GPATCH2: variants seen among roughly 807,000 people sequenced by gnomAD.
GPATCH2 encodes the protein G patch domain-containing protein 2.
GPATCH2 carries 51 observed loss-of-function variants against 58.0 expected under a neutral mutation model. The observed-to-expected ratio is 0.88, with a 90% confidence interval of 0.70 to 1.11. GPATCH2 has a LOEUF of 1.11. GPATCH2 is among the 50% of genes most tolerant of loss of function. The pLI is 0.00. For missense variants in GPATCH2, 625 were observed against 652.2 expected (o/e 0.96, Z 0.45); for synonymous variants, 222 against 218.5 (o/e 1.02, Z -0.14).
chr1:217,590,915 A>C (rs894016669), intron 5 of GPATCH2, among the ~76,000 whole-genome samples: 1 of 152,202 alleles, frequency 6.6e-6, no homozygotes, highest in African/African-American at 2.4e-5. Context: ...GATCTGGGAG[A>C]GGTTATTCTG....
At chr1:217,491,925 G>A (rs1661762138) in intron 7 of GPATCH2, among the ~76,000 whole-genome samples, 175 bp from the exon 8 acceptor site, 2 of 149,282 alleles carry the variant, frequency 1.3e-5, no homozygotes, top group African/African-American at 5.0e-5. Flanking sequence ...ACTTTTTCTG[G>A]AGTTCAATAG....
chr1:217,603,770 A>G (rs1668222664), intron 5 of GPATCH2, among the ~76,000 whole-genome samples: 1 of 151,826 alleles, frequency 6.6e-6, no homozygotes, highest in South Asian at 2.1e-4. Context: ...TTACAGGCAC[A>G]TATCACCATG....
chr1:217,490,212 G>A (rs755620235), intron 8 of GPATCH2, among the ~76,000 whole-genome samples: 5 of 152,050 alleles, frequency 3.3e-5, no homozygotes, highest in Non-Finnish European at 7.4e-5. Context: ...CTGTCTTCTG[G>A]CCTTACCGAT....
intron 5 of GPATCH2, among the ~76,000 whole-genome samples, chr1:217,551,051 T>C (rs1309081487): frequency 6.6e-6 from 1 of 151,562 alleles, no homozygotes; most frequent in African/African-American, 2.4e-5. Context: ...TTTGAAATAA[T>C]ATTTTAATCA....
At chr1:217,493,754 T>C (rs1339486643) in intron 7 of GPATCH2, among the ~76,000 whole-genome samples, 1 of 152,130 alleles carries the variant, frequency 6.6e-6, no homozygotes, top group East Asian at 1.9e-4. Flanking sequence ...TTTTAAAAAA[T>C]ATATATACAA....
At chr1:217,469,774 A>C (rs187389301) in intron 8 of GPATCH2, among the ~76,000 whole-genome samples, 143 of 152,334 alleles carry the variant, frequency 9.4e-4, no homozygotes, top group African/African-American at 3.3e-3. Flanking sequence ...TTCTGTAGAC[A>C]TAAAGTAATA....
rs540835036 is a variant in GPATCH2 at position 217,629,857 on chromosome 1, G to A, written c.56+1059C>T. ...ATAAAATTAACTACAGGATGATCAG[G>A]TCCAACTAGAAATATTTTGGATAAG... is the stretch of plus-strand genomic sequence containing the variant. On this transcript the variant is annotated intron_variant, in intron 1 of 9. Coordinates refer to ENST00000366935, the MANE Select transcript of GPATCH2 (RefSeq NM_018040.5). Among the ~76,000 whole-genome samples, 50 of 152,228 alleles carry A rather than the reference G, an allele frequency of 3.3e-4. 2 individuals are homozygous for A. The highest frequency in any genetic ancestry group is 1.0e-3 in the African/African-American group (43 of 41,532).
intron 8 of GPATCH2, among the ~76,000 whole-genome samples, chr1:217,488,492 T>C (rs183784408): frequency 6.4e-4 from 97 of 152,254 alleles, no homozygotes; most frequent in African/African-American, 2.2e-3. Flanking sequence ...TAAATCACTT[T>C]GGTATGAGAG....
At chr1:217,483,466 T>G (rs1033132156) in intron 8 of GPATCH2, among the ~76,000 whole-genome samples, 1 of 152,202 alleles carries the variant, frequency 6.6e-6, no homozygotes, top group Admixed American at 6.5e-5. Flanking sequence ...ATTACAGGTA[T>G]AAGCCACTGT....
intron 4 of GPATCH2, among the ~76,000 whole-genome samples, chr1:217,610,616 T>A (rs555746960): frequency 9.8e-5 from 15 of 152,326 alleles, no homozygotes; most frequent in African/African-American, 3.4e-4. Flanking sequence ...CAGTGTTCAA[T>A]CACTAGAGTA....
At chr1:217,477,791 G>T (rs1187166597) in intron 8 of GPATCH2, among the ~76,000 whole-genome samples, 1 of 152,130 alleles carries the variant, frequency 6.6e-6, no homozygotes, top group Non-Finnish European at 1.5e-5. Flanking sequence ...CTGGCTCCCA[G>T]ATGGCACCTC....
intron 5 of GPATCH2, among the ~76,000 whole-genome samples, chr1:217,597,719 G>C (rs1367389137): frequency 6.6e-6 from 1 of 152,122 alleles, no homozygotes; most frequent in Non-Finnish European, 1.5e-5. Context: ...AAAATTCAGT[G>C]AAAGTCTGCA....
chr1:217,612,646 T>C lies in GPATCH2; in HGVS notation c.835+1495A>G, dbSNP rs2102820167. ...AGCATAAGAAAAAACAGGGCCTCAC[T>C]TGAAACTGACTACCATATATCTGAA... is the stretch of plus-strand genomic sequence containing the variant. On this transcript the variant is annotated intron_variant, in intron 3 of 9. Coordinates refer to ENST00000366935, the MANE Select transcript of GPATCH2 (RefSeq NM_018040.5). Among the ~76,000 whole-genome samples, 4 of 152,312 alleles carry C rather than the reference T, an allele frequency of 2.6e-5. No individual in the cohort carries two copies. In the Middle Eastern group the frequency reaches 0.014, roughly 518 times the overall value.
At chr1:217,597,242 AG>A (rs1239454527) in intron 5 of GPATCH2, among the ~76,000 whole-genome samples, 1 of 151,280 alleles carries the variant, frequency 6.6e-6, no homozygotes, top group Non-Finnish European at 1.5e-5. Flanking sequence ...CTGAGGCAGG[AG>A]GATCACTTGA....
chr1:217,510,131 C>A (rs1197104915), intron 6 of GPATCH2, among the ~76,000 whole-genome samples: 1 of 152,108 alleles, frequency 6.6e-6, no homozygotes, highest in Non-Finnish European at 1.5e-5. Context: ...GTGGTCTTTA[C>A]CATTTTTGAA....
At chr1:217,477,117 A>G (rs1473896773) in intron 8 of GPATCH2, among the ~76,000 whole-genome samples, 2 of 152,108 alleles carry the variant, frequency 1.3e-5, no homozygotes, top group African/African-American at 2.4e-5. Context: ...TGACATTTCT[A>G]GATACATCCT....
At chr1:217,586,901 C>G (rs924615329) in intron 5 of GPATCH2, among the ~76,000 whole-genome samples, 21 of 151,988 alleles carry the variant, frequency 1.4e-4, no homozygotes, top group African/African-American at 4.4e-4. Context: ...AGCACATGGC[C>G]GCATACACTG....
At chr1:217,491,801 A>C (rs760156271) in intron 7 of GPATCH2, 51 bp from the exon 8 acceptor site, 1 of 692,470 alleles carries the variant, frequency 1.4e-6, no homozygotes, top group Non-Finnish European at 2.5e-6. Context: ...TTTTCATTAT[A>C]TTATTTTGCA....
intron 5 of GPATCH2, among the ~76,000 whole-genome samples, chr1:217,516,046 T>C (rs1663127936): frequency 6.6e-6 from 1 of 152,028 alleles, no homozygotes; most frequent in African/African-American, 2.4e-5. Flanking sequence ...ACTCCTTTAT[T>C]TCTAAATAAA....
Sources: gnomAD v4.1 joint callset for allele counts (sites outside exome capture counted in the v4.1 genomes callset) on GRCh38, gnomAD v4.1.1 for gene constraint, MANE v1.5 for transcripts, NCBI Gene and HGNC (gene_info 2026-07-23, HGNC 2026-07-21) for gene names.